Variants in CNGB3 observed in about 807,000 individuals in gnomAD.
The protein encoded by CNGB3 is cyclic nucleotide-gated channel beta-3.
Under a neutral mutation model 92.8 loss-of-function variants are expected in CNGB3, and 86 were observed. That is an observed-to-expected ratio of 0.93 (90% CI 0.78 to 1.11). The LOEUF (loss-of-function observed/expected upper bound fraction) is 1.11, where lower values mean the gene tolerates loss of function less well. Ranked by LOEUF, CNGB3 falls within the 50% of genes least tolerant of loss-of-function variation. CNGB3 has a pLI of 0.00. For missense variants in CNGB3, 1,026 were observed against 956.8 expected (o/e 1.07, Z -0.95); for synonymous variants, 333 against 332.7 (o/e 1.00, Z -0.01).
At chr8:86,657,647 G>A (rs779029206) in intron 6 of CNGB3, 11 of 416,132 alleles carry the variant, frequency 2.6e-5, no homozygotes, top group African/African-American at 8.4e-5. Context: ...CACCTGGAGC[G>A]GGCTAATCAA....
At chr8:86,741,937 A>G (rs67190572) in intron 1 of CNGB3, among the ~76,000 whole-genome samples, 9,904 of 152,246 alleles carry the variant, frequency 0.065, 431 homozygotes, top group East Asian at 0.13. Context: ...TGTTTTGAGC[A>G]GTATAGCCTA....
At chr8:86,638,841 T>C (rs1823124746) in intron 10 of CNGB3, among the ~76,000 whole-genome samples, 1 of 147,994 alleles carries the variant, frequency 6.8e-6, no homozygotes, top group African/African-American at 2.4e-5. Flanking sequence ...TTTTTTTTTG[T>C]TTTGTTTGTT....
At chr8:86,742,910 C>A (rs1249150194) in intron 1 of CNGB3, among the ~76,000 whole-genome samples, 1 of 152,128 alleles carries the variant, frequency 6.6e-6, no homozygotes, top group Non-Finnish European at 1.5e-5. Flanking sequence ...TCCACCTTGG[C>A]AGTATTAAAA....
In CNGB3 at chr8:86,625,982, C is replaced by T. The variant is rs372006750; in HGVS notation, c.1578+1G>A. On this transcript the variant is annotated splice_donor_variant, in intron 13 of 17. Coordinates refer to ENST00000320005, the MANE Select transcript of CNGB3 (RefSeq NM_019098.5). LOFTEE classifies it high-confidence loss of function. ...AGTCTATTAATTGTAAAAGCACTTG[C>T]CTTGAACAAGTCGACTTTGCTGATG... 4.7e-5 allele frequency: 76 copies of T among 1,611,292 alleles called. No individual in the cohort carries two copies. The highest frequency in any genetic ancestry group is 6.1e-5 in the Non-Finnish European group (72 of 1,177,904).
intron 3 of CNGB3, among the ~76,000 whole-genome samples, chr8:86,722,560 A>G (rs139676917): frequency 6.6e-6 from 1 of 152,322 alleles, no homozygotes; most frequent in East Asian, 1.9e-4. Context: ...ATTTGGCCAA[A>G]CATTATTCTG....
At chr8:86,602,663 T>G (rs149828805) in intron 15 of CNGB3, among the ~76,000 whole-genome samples, 1 of 152,208 alleles carries the variant, frequency 6.6e-6, no homozygotes, top group South Asian at 2.1e-4. Flanking sequence ...TACTCTTCTA[T>G]TCATCATATG....
intron 6 of CNGB3, among the ~76,000 whole-genome samples, chr8:86,666,094 C>T (rs1823735115): frequency 6.6e-6 from 1 of 152,148 alleles, no homozygotes; most frequent in Non-Finnish European, 1.5e-5. Flanking sequence ...ACCAGGCTGT[C>T]TCCTAAGAAG....
chr8:86,717,971 A>G (rs750270658), intron 3 of CNGB3, among the ~76,000 whole-genome samples: 3 of 152,218 alleles, frequency 2.0e-5, no homozygotes, highest in Non-Finnish European at 2.9e-5. Context: ...CTGAACAATA[A>G]TAGTGACACA....
chr8:86,743,042 T>G (rs1338690629), intron 1 of CNGB3, among the ~76,000 whole-genome samples: 2 of 152,128 alleles, frequency 1.3e-5, no homozygotes, highest in Non-Finnish European at 2.9e-5. Context: ...CTATGACAAC[T>G]GAAAGTGTCC....
intron 15 of CNGB3, among the ~76,000 whole-genome samples, chr8:86,603,196 T>A (rs1822342792): frequency 6.6e-6 from 1 of 152,218 alleles, no homozygotes; most frequent in Admixed American, 6.5e-5. Flanking sequence ...TGTGAATTCA[T>A]CTTGTCTAGC....
intron 3 of CNGB3, among the ~76,000 whole-genome samples, chr8:86,718,413 C>A (rs186124980): frequency 1.7e-3 from 262 of 152,064 alleles, no homozygotes; most frequent in African/African-American, 5.4e-3. Flanking sequence ...AACTAGAAAA[C>A]TTAGAGAAGA....
At chr8:86,696,991 A>G (rs1399212830) in intron 3 of CNGB3, among the ~76,000 whole-genome samples, 1 of 152,236 alleles carries the variant, frequency 6.6e-6, no homozygotes, top group Non-Finnish European at 1.5e-5. Flanking sequence ...AAAAAAATGA[A>G]TTAAAACATA....
chr8:86,712,782 G>C (rs1256037309), intron 3 of CNGB3, among the ~76,000 whole-genome samples: 1 of 140,436 alleles, frequency 7.1e-6, no homozygotes, highest in Non-Finnish European at 1.5e-5. Context: ...TTTTAGATGA[G>C]GTCTTGCTGT....
intron 10 of CNGB3, among the ~76,000 whole-genome samples, chr8:86,642,119 C>A (rs1246674260): frequency 6.6e-6 from 1 of 151,486 alleles, no homozygotes; most frequent in Non-Finnish European, 1.5e-5. Context: ...ACACTGGGAA[C>A]AAGATATAGT....
intron 3 of CNGB3, among the ~76,000 whole-genome samples, chr8:86,675,043 C>T (rs1350600916): frequency 2.0e-5 from 3 of 152,162 alleles, no homozygotes; most frequent in African/African-American, 7.2e-5. Flanking sequence ...ACTGCAACCT[C>T]TGCCTTCCAG....
At chr8:86,625,745 G>T (rs572480300) in intron 13 of CNGB3, among the ~76,000 whole-genome samples, 1 of 152,120 alleles carries the variant, frequency 6.6e-6, no homozygotes, top group South Asian at 2.1e-4. Context: ...TGCAAGAAGA[G>T]TCTGAAGAAC....
At chr8:86,694,201 C>T (rs1275472044) in intron 3 of CNGB3, among the ~76,000 whole-genome samples, 19 of 141,076 alleles carry the variant, frequency 1.3e-4, no homozygotes, top group South Asian at 6.8e-4. Context: ...CCCTCCCGGA[C>T]GGGGCGGCTG....
At chr8:86,740,392 C>T (rs753367511) in intron 1 of CNGB3, among the ~76,000 whole-genome samples, 56 of 152,162 alleles carry the variant, frequency 3.7e-4, no homozygotes, top group Non-Finnish European at 5.9e-4. Context: ...GTCAATTCTA[C>T]TGGAGTAGAA....
At chr8:86,645,177 A>G (rs1585989534) in intron 8 of CNGB3, among the ~76,000 whole-genome samples, 1 of 151,330 alleles carries the variant, frequency 6.6e-6, no homozygotes, top group Non-Finnish European at 1.5e-5. Flanking sequence ...AAGTATTAGC[A>G]TTGGCCGTTC....
Sources: gnomAD v4.1 joint callset for allele counts (sites outside exome capture counted in the v4.1 genomes callset) on GRCh38, gnomAD v4.1.1 for gene constraint, MANE v1.5 for transcripts, NCBI Gene and HGNC (gene_info 2026-07-23, HGNC 2026-07-21) for gene names.